The following PTPRD variants were observed in gnomAD, a reference collection of about 807,000 sequenced individuals.
PTPRD encodes protein tyrosine phosphatase receptor type D.
A neutral mutation model predicts 214.5 loss-of-function variants in PTPRD; 34 were observed. That is an observed-to-expected ratio of 0.16 (90% CI 0.12 to 0.21). The LOEUF (loss-of-function observed/expected upper bound fraction) is 0.21, where lower values mean the gene tolerates loss of function less well. PTPRD is among the 10% of genes least tolerant of loss of function. The pLI, the probability that PTPRD is intolerant of heterozygous loss-of-function variation, is 1.00. For missense variants in PTPRD, 2,545 were observed against 2,398.7 expected (o/e 1.06, Z -1.27); for synonymous variants, 1,128 against 845.7 (o/e 1.33, Z -5.79).
intron 38 of PTPRD, 149 bp from the exon 39 acceptor site, chr9:8,376,239 G>T: frequency 1.1e-6 from 1 of 938,062 alleles, no homozygotes; most frequent in Non-Finnish European, 1.5e-6. Context: ...TTTGGAAATA[G>T]AAACCCCAAG....
intron 2 of PTPRD, among the ~76,000 whole-genome samples, chr9:10,541,388 C>A (rs1483266698): frequency 6.6e-6 from 1 of 152,002 alleles, no homozygotes; most frequent in Admixed American, 6.6e-5. Context: ...TCACCAGGAC[C>A]TTTATGTACA....
At chr9:8,791,743 G>C (rs1292587155) in intron 11 of PTPRD, among the ~76,000 whole-genome samples, 1 of 151,970 alleles carries the variant, frequency 6.6e-6, no homozygotes, top group East Asian at 1.9e-4. Flanking sequence ...TGAGGATGCT[G>C]ACTGGCTAAC....
At chr9:9,599,514 T>C (rs1266069779) in intron 7 of PTPRD, among the ~76,000 whole-genome samples, 1 of 152,056 alleles carries the variant, frequency 6.6e-6, no homozygotes, top group African/African-American at 2.4e-5. Context: ...TCTCAGCTTC[T>C]GGAACTTTTT....
chr9:9,537,322 T>G (rs2076727619), intron 8 of PTPRD, among the ~76,000 whole-genome samples: 1 of 152,010 alleles, frequency 6.6e-6, no homozygotes. Context: ...AGTTGGAATA[T>G]GAATGTGCAT....
chr9:10,596,698 C>G (rs1020515407), intron 2 of PTPRD, among the ~76,000 whole-genome samples: 1 of 151,390 alleles, frequency 6.6e-6, no homozygotes, highest in Non-Finnish European at 1.5e-5. Flanking sequence ...AAATTAGAAC[C>G]TAGTAGTAAA....
rs60829785 is a variant in PTPRD, at chr9:9,715,227, A to G, written c.-287+19306T>C. Among the ~76,000 whole-genome samples the G allele has an allele frequency of 3.5e-3, 538 of 152,280 alleles. 5 individuals are homozygous for G. Among genetic ancestry groups the G allele is most frequent in the African/African-American group, 0.012 (504 of 41,550 alleles). On this transcript the variant is annotated intron_variant, in intron 7 of 45. Coordinates refer to ENST00000381196, the MANE Select transcript of PTPRD (RefSeq NM_002839.4). ...TACAATTATGGTACTGCAATTTATG[A>G]CTTTCTGTTCCTACTATATTGCGGG...
At position 10,190,386 on chromosome 9, in the gene PTPRD, G is replaced by GAAAAA. The variant is rs66511711; in HGVS notation, c.-545+150572_-545+150576dup. On this transcript the variant is annotated intron_variant, in intron 3 of 45. Transcript: ENST00000381196. ...CTGGGCGTCAGAGACTCTATCTCCAGAAAAAAAAAAAAAAAAAAAAAAAAA... is the reference window on the plus strand; with the variant it reads ...CTGGGCGTCAGAGACTCTATCTCCAGAAAAAAAAAAAAAAAAAAAAAAAAAAAAAA... 1.1e-3 allele frequency among the ~76,000 whole-genome samples: 56 copies of GAAAAA among 50,152 alleles called. 1 individual carries two copies. Among genetic ancestry groups the GAAAAA allele is most frequent in the Non-Finnish European group, 1.5e-3 (41 of 27,376 alleles). The allele number at this position is 50,152 out of a possible 152,430, so 32.9% of individuals were successfully genotyped here. A position where few individuals can be genotyped will look rare whatever the true frequency, so the allele number is the denominator to read the frequency against.
intron 14 of PTPRD, among the ~76,000 whole-genome samples, chr9:8,530,626 GA>G (rs1261776114): frequency 2.0e-5 from 3 of 152,006 alleles, no homozygotes; most frequent in Non-Finnish European, 4.4e-5. Context: ...GATTTTAAGA[GA>G]AACTCCACTG....
At chr9:9,413,649 G>T (rs2076185684) in intron 8 of PTPRD, among the ~76,000 whole-genome samples, 1 of 152,122 alleles carries the variant, frequency 6.6e-6, no homozygotes, top group African/African-American at 2.4e-5. Flanking sequence ...TTTATCAGCT[G>T]AACATTGGTG....
At chr9:8,952,711 T>G (rs1376321779) in intron 11 of PTPRD, among the ~76,000 whole-genome samples, 4 of 151,832 alleles carry the variant, frequency 2.6e-5, no homozygotes, top group African/African-American at 4.8e-5. Context: ...ATTTGGCTCT[T>G]AACGGTATTG....
At chr9:9,477,469 G>A (rs1036117686) in intron 8 of PTPRD, among the ~76,000 whole-genome samples, 2 of 152,104 alleles carry the variant, frequency 1.3e-5, no homozygotes, top group East Asian at 3.9e-4. Context: ...ATAAGAGGAG[G>A]TGTAGTCACC....
intron 10 of PTPRD, among the ~76,000 whole-genome samples, chr9:9,067,838 T>C (rs139076765): frequency 6.6e-6 from 1 of 152,312 alleles, no homozygotes; most frequent in East Asian, 1.9e-4. Context: ...CTTGTGTCTG[T>C]GTTTATATGT....
intron 9 of PTPRD, among the ~76,000 whole-genome samples, chr9:9,323,092 A>C (rs895204679): frequency 6.6e-6 from 1 of 152,134 alleles, no homozygotes; most frequent in African/African-American, 2.4e-5. Context: ...ACCCTAGGGC[A>C]CTTTACTATG....
At position 9,160,332 on chromosome 9, in the gene PTPRD, A is replaced by G. The variant is rs138209615; in HGVS notation, c.-143+22972T>C. ...ATATATAAGGAACTCAAACAACTCA[A>G]TAGCAAGAAAACAAATAACCTGATT... is the stretch of plus-strand genomic sequence containing the variant. On this transcript the variant is annotated intron_variant, in intron 10 of 45. Transcript: ENST00000381196. Among the ~76,000 whole-genome samples, 3 of 152,306 alleles carry G rather than the reference A, an allele frequency of 2.0e-5. No individual in the cohort carries two copies. The East Asian group carries it at 5.8e-4, about 29-fold the overall frequency.
At chr9:9,713,309 G>C (rs1437152424) in intron 7 of PTPRD, among the ~76,000 whole-genome samples, 1 of 152,090 alleles carries the variant, frequency 6.6e-6, no homozygotes, top group Non-Finnish European at 1.5e-5. Flanking sequence ...AATTAGAATG[G>C]GGAAAGGGAA....
At chr9:9,293,351 A>G (rs1484783054) in intron 9 of PTPRD, among the ~76,000 whole-genome samples, 1 of 147,898 alleles carries the variant, frequency 6.8e-6, no homozygotes, top group Non-Finnish European at 1.5e-5. Flanking sequence ...GTTCTCTCCT[A>G]TATTCCTTTT....
intron 7 of PTPRD, among the ~76,000 whole-genome samples, chr9:9,608,513 T>A (rs895501145): frequency 6.6e-6 from 1 of 152,234 alleles, no homozygotes; most frequent in African/African-American, 2.4e-5. Context: ...TGGTCCTTTA[T>A]GCCAGGGGCA....
chr9:9,757,124 G>T (rs1004643120), intron 6 of PTPRD, among the ~76,000 whole-genome samples: 7 of 152,036 alleles, frequency 4.6e-5, no homozygotes, highest in Non-Finnish European at 8.8e-5. Context: ...AACAAAGATT[G>T]GGCAGTTTAC....
chr9:8,793,158 T>C (rs1327967503), intron 11 of PTPRD, among the ~76,000 whole-genome samples: 1 of 152,214 alleles, frequency 6.6e-6, no homozygotes, highest in African/African-American at 2.4e-5. Flanking sequence ...GCCCTGTCAT[T>C]GTAACAGGGT....
Sources: allele counts gnomAD v4.1 joint callset (sites outside exome capture counted in the v4.1 genomes callset), GRCh38; gene constraint gnomAD v4.1.1; transcripts MANE v1.5; gene names NCBI Gene and HGNC (gene_info 2026-07-23, HGNC 2026-07-21).